KLB: variants seen among roughly 807,000 people sequenced by gnomAD.
The protein encoded by KLB is beta-klotho.
In KLB, 44 loss-of-function variants were observed where a neutral mutation model predicts 88.4. The ratio of observed to expected loss-of-function variants is 0.50; its 90% CI spans 0.39 to 0.64. The LOEUF (loss-of-function observed/expected upper bound fraction) is 0.64, where lower values mean the gene tolerates loss of function less well. KLB is among the 30% of genes least tolerant of loss of function. The probability of loss-of-function intolerance (pLI) is 0.00; values close to 1 mark genes in which losing one functional copy is unlikely to be tolerated. For missense variants in KLB, 1,137 were observed against 1,304.8 expected, an observed-to-expected ratio of 0.87 and a Z score of 1.98; for synonymous variants, 548 against 513.4, an observed-to-expected ratio of 1.07 and a Z score of -0.91.
intron 1 of KLB, among the ~76,000 whole-genome samples, chr4:39,416,759 G>A (rs1742971782): frequency 6.6e-6 from 1 of 152,136 alleles, no homozygotes; most frequent in East Asian, 1.9e-4. Context: ...TCCAGCCTGG[G>A]TGACAGGGTG....
At chr4:39,445,684 G>GTGT (rs1407417236) in intron 3 of KLB, among the ~76,000 whole-genome samples, 1 of 94,958 alleles carries the variant, frequency 1.1e-5, no homozygotes, top group Non-Finnish European at 2.3e-5. Flanking sequence ...TTGTTTTTTT[G>GTGT]TTTTTTTTTT....
rs541086726 is a variant in KLB at position 39,447,276 on chromosome 4, G to A, written c.2550G>A (p.Leu850=). 1 of 1,614,024 alleles carries A rather than the reference G, an allele frequency of 6.2e-7. No individual in the cohort carries two copies. The highest frequency in any genetic ancestry group is 1.3e-5 in the African/African-American group (1 of 74,956). Residue 850 remains leucine (L), a synonymous_variant, in exon 4 of 5, where the codon CTG becomes CTA. Coordinates refer to ENST00000257408, the MANE Select transcript of KLB (RefSeq NM_175737.4). ...ACTCGGACAGGGACATCCAGTTTCTGCAGGACATCACCCGCCTGAGCTCCC... is the reference window on the plus strand; with the variant it reads ...ACTCGGACAGGGACATCCAGTTTCTACAGGACATCACCCGCCTGAGCTCCC... ...RYDSDRDIQF[L]QDITRLSSPT...
At chr4:39,420,751 A>G (rs1027833647) in intron 1 of KLB, among the ~76,000 whole-genome samples, 1 of 152,120 alleles carries the variant, frequency 6.6e-6, no homozygotes, top group Non-Finnish European at 1.5e-5. Flanking sequence ...CCTGGGTTCA[A>G]ATGATCCTCC....
In KLB at chr4:39,450,763, T is replaced by C. The variant is rs1743873599; in HGVS notation, c.*2077T>C. 1 of 152,090 alleles carries C rather than the reference T, an allele frequency of 6.6e-6. No individual in the cohort carries two copies. The highest frequency in any genetic ancestry group is 1.5e-5 in the Non-Finnish European group (1 of 68,034). The allele number at this position is 152,090 out of a possible 1,614,324, so 9.4% of individuals were successfully genotyped here. ...TCACTTGGCTGGGTTTTTTCCCCTT[T>C]GTGCCACATTGATTCACCCTGACCC... On this transcript the variant is annotated 3_prime_UTR_variant, in exon 5 of 5. Transcript: ENST00000257408.
At chr4:39,429,796 G>C (rs1355073963) in intron 1 of KLB, among the ~76,000 whole-genome samples, 1 of 152,144 alleles carries the variant, frequency 6.6e-6, no homozygotes, top group Non-Finnish European at 1.5e-5. Flanking sequence ...GCAAACTCAC[G>C]ATCTTGGAGC....
chr4:39,409,516 C>T (rs1012828656), intron 1 of KLB, among the ~76,000 whole-genome samples: 6 of 150,680 alleles, frequency 4.0e-5, no homozygotes, highest in Non-Finnish European at 8.9e-5. Context: ...GTCTCCAACT[C>T]CTGACCTCAT....
chr4:39,432,055 G>C (rs1021760096), intron 1 of KLB, among the ~76,000 whole-genome samples: 6 of 152,240 alleles, frequency 3.9e-5, no homozygotes, highest in African/African-American at 1.4e-4. Flanking sequence ...GGGAGGCCGA[G>C]GTGTGTGGAT....
In KLB at chr4:39,450,242, T is replaced by C. The variant is rs947924824; in HGVS notation, c.*1556T>C. On this transcript the variant is annotated 3_prime_UTR_variant, in exon 5 of 5. Coordinates refer to ENST00000257408, the MANE Select transcript of KLB (RefSeq NM_175737.4). The stretch of plus-strand genomic sequence containing the variant: ...TATGCACCTATTTATACCTATTCTT[T>C]CTTTAGGTCAACATTTAACACCCAC... The C allele has an allele frequency of 2.0e-5, 3 of 152,214 alleles. No individual in the cohort carries two copies. Among genetic ancestry groups the C allele is most frequent in the African/African-American group, 7.2e-5 (3 of 41,452 alleles). 9.4% of individuals were successfully genotyped at this position (152,214 alleles called of 1,614,324 possible).
intron 1 of KLB, among the ~76,000 whole-genome samples, chr4:39,418,145 T>C (rs893231800): frequency 1.3e-5 from 2 of 152,224 alleles, no homozygotes; most frequent in Non-Finnish European, 2.9e-5. Flanking sequence ...TATTAAAAGT[T>C]GGGTTTTTCA....
chr4:39,434,083 C>A lies in KLB; in HGVS notation c.826-127C>A, dbSNP rs1743418381. 4.6e-6 allele frequency: 4 copies of A among 866,108 alleles called. No homozygotes were observed. The East Asian group carries it at 1.0e-4, about 22-fold the overall frequency. The allele number at this position is 866,108 out of a possible 1,614,324, so 53.7% of individuals were successfully genotyped here. On this transcript the variant is annotated intron_variant, in intron 1 of 4. Transcript: ENST00000257408. Reference sequence around the variant, plus strand: ...AACAGACTTTGAGGTCATCAGGGCTCCCTGGCAGCTTTCCCCTGAATCACT... The same window carrying A: ...AACAGACTTTGAGGTCATCAGGGCTACCTGGCAGCTTTCCCCTGAATCACT...
chr4:39,430,572 T>G (rs576193353), intron 1 of KLB, among the ~76,000 whole-genome samples: 8 of 150,620 alleles, frequency 5.3e-5, no homozygotes, highest in African/African-American at 1.9e-4. Flanking sequence ...GGCTACATTC[T>G]GAATACTTCT....
intron 2 of KLB, among the ~76,000 whole-genome samples, chr4:39,436,352 C>A (rs1406080781): frequency 1.3e-5 from 2 of 152,196 alleles, no homozygotes; most frequent in East Asian, 3.9e-4. Context: ...CGCCCAGCTA[C>A]GGGCCATGCA....
At chr4:39,433,632 G>A (rs1033307305) in intron 1 of KLB, among the ~76,000 whole-genome samples, 1 of 152,120 alleles carries the variant, frequency 6.6e-6, no homozygotes, top group Non-Finnish European at 1.5e-5. Flanking sequence ...GGCCGAGGAG[G>A]GTGGATTACC....
chr4:39,426,646 T>G (rs886854844), intron 1 of KLB, among the ~76,000 whole-genome samples: 1 of 151,958 alleles, frequency 6.6e-6, no homozygotes, highest in Non-Finnish European at 1.5e-5. Flanking sequence ...TTTATAATTT[T>G]TTAGCAATGA....
intron 2 of KLB, among the ~76,000 whole-genome samples, chr4:39,436,713 G>GT (rs200027049): frequency 0.086 from 12,882 of 150,432 alleles, 661 homozygotes; most frequent in Middle Eastern, 0.17. Context: ...TCTCTTTTTT[G>GT]TTTTTTTTTC....
rs150509707 is a variant in KLB, at chr4:39,447,312, G to A, written c.2586G>A (p.Leu862=). The A allele has an allele frequency of 6.8e-6, 11 of 1,614,132 alleles. No individual in the cohort carries two copies. Among genetic ancestry groups the A allele is most frequent in the Non-Finnish European group, 8.5e-6 (10 of 1,180,010 alleles). The change falls in exon 4 of 5, where the codon CTG becomes CTA. Residue 862 remains leucine (L), a synonymous_variant. Transcript: ENST00000257408. The stretch of plus-strand genomic sequence containing the variant: ...CCCGCCTGAGCTCCCCCACGCGCCT[G>A]GCTGTGATTCCCTGGGGGGTGCGCA... ...DITRLSSPTR[L]AVIPWGVRKL...
chr4:39,433,114 A>C (rs1300641814), intron 1 of KLB, among the ~76,000 whole-genome samples: 1 of 152,156 alleles, frequency 6.6e-6, no homozygotes, highest in Non-Finnish European at 1.5e-5. Context: ...TCCTGACCTC[A>C]GGTGATCCGC....
chr4:39,434,994 A>G (rs1350481208), intron 2 of KLB, among the ~76,000 whole-genome samples: 1 of 151,342 alleles, frequency 6.6e-6, no homozygotes, highest in Non-Finnish European at 1.5e-5. Flanking sequence ...TTTAGTAGAG[A>G]CAGGGTCTCA....
At chr4:39,433,515 T>C (rs894544287) in intron 1 of KLB, among the ~76,000 whole-genome samples, 1 of 152,168 alleles carries the variant, frequency 6.6e-6, no homozygotes, top group Non-Finnish European at 1.5e-5. Flanking sequence ...GCCTGTGTTG[T>C]CCTGGACTTC....
Sources: allele counts gnomAD v4.1 joint callset (sites outside exome capture counted in the v4.1 genomes callset), GRCh38; gene constraint gnomAD v4.1.1; transcripts MANE v1.5; gene names NCBI Gene and HGNC (gene_info 2026-07-23, HGNC 2026-07-21).